The following PHACTR3 variants were observed in gnomAD, a reference collection of about 807,000 sequenced individuals.
PHACTR3 encodes the protein phosphatase and actin regulator 3.
Under a neutral mutation model 66.8 loss-of-function variants are expected in PHACTR3, and 16 were observed. That is an observed-to-expected ratio of 0.24 (90% confidence interval 0.16 to 0.36). The LOEUF (loss-of-function observed/expected upper bound fraction) is 0.36. Ranked by LOEUF, PHACTR3 falls within the 10% of genes least tolerant of loss-of-function variation. The pLI is 1.00. For missense variants in PHACTR3, 647 were observed against 719.9 expected, an observed-to-expected ratio of 0.90 and a Z score of 1.16; for synonymous variants, 323 against 292.1, an observed-to-expected ratio of 1.11 and a Z score of -1.08.
intron 1 of PHACTR3, among the ~76,000 whole-genome samples, chr20:59,665,629 G>T (rs1204599582): frequency 6.6e-6 from 1 of 152,102 alleles, no homozygotes; most frequent in African/African-American, 2.4e-5. Context: ...CTTGGGTGCT[G>T]GTTGGAAATA....
intron 1 of PHACTR3, among the ~76,000 whole-genome samples, chr20:59,687,999 T>C (rs1447262330): frequency 1.3e-5 from 2 of 152,192 alleles, no homozygotes; most frequent in African/African-American, 4.8e-5. Flanking sequence ...GATTTCTCTT[T>C]TCTAACAAGC....
intron 8 of PHACTR3, among the ~76,000 whole-genome samples, chr20:59,827,045 C>G (rs991918611): frequency 6.6e-6 from 1 of 152,120 alleles, no homozygotes; most frequent in Non-Finnish European, 1.5e-5. Context: ...CAGGTGATTC[C>G]TCAGTACCTC....
chr20:59,591,858 A>G (rs2033190813), intron 1 of PHACTR3, among the ~76,000 whole-genome samples: 1 of 152,048 alleles, frequency 6.6e-6, no homozygotes, highest in Non-Finnish European at 1.5e-5. Context: ...TATGGTAAAA[A>G]TATAAAGAAT....
intron 1 of PHACTR3, among the ~76,000 whole-genome samples, chr20:59,686,635 A>G (rs1601101547): frequency 1.4e-5 from 2 of 147,612 alleles, no homozygotes; most frequent in Non-Finnish European, 1.5e-5. Context: ...GATGATTGTG[A>G]TGATGGTGGT....
chr20:59,763,389 A>C (rs2040067271), intron 4 of PHACTR3, among the ~76,000 whole-genome samples: 1 of 152,236 alleles, frequency 6.6e-6, no homozygotes, highest in African/African-American at 2.4e-5. Context: ...AGACTAATAC[A>C]GTAGGGATCT....
At chr20:59,600,794 C>T (rs934395272), upstream of PHACTR3, among the ~76,000 whole-genome samples, 1 of 152,082 alleles carries the variant, frequency 6.6e-6, no homozygotes, top group Admixed American at 6.5e-5. Flanking sequence ...TCAAGGAGAT[C>T]AAGGGGCAGA....
intron 1 of PHACTR3, among the ~76,000 whole-genome samples, chr20:59,607,572 C>A (rs1342119930): frequency 6.6e-6 from 1 of 152,252 alleles, no homozygotes; most frequent in African/African-American, 2.4e-5. Context: ...AGACTCAAAG[C>A]ATTCTTCAAA....
intron 1 of PHACTR3, among the ~76,000 whole-genome samples, chr20:59,668,277 C>A (rs570409966): frequency 6.6e-6 from 1 of 151,462 alleles, no homozygotes; most frequent in African/African-American, 2.4e-5. Flanking sequence ...GAGGTGGGCA[C>A]GTACACCTGT....
upstream of PHACTR3, chr20:59,604,003 G>A (rs2033565159): frequency 6.6e-6 from 1 of 152,394 alleles, no homozygotes; most frequent in Admixed American, 6.5e-5. Context: ...GGTTCCTAAG[G>A]GCGTCTGAGG....
intron 7 of PHACTR3, 144 bp from the exon 8 acceptor site, chr20:59,805,897 T>C: frequency 4.7e-6 from 4 of 847,128 alleles, no homozygotes; most frequent in South Asian, 1.7e-5. Context: ...CTGGCGAGCG[T>C]GTGTCCTCTC....
upstream of PHACTR3, among the ~76,000 whole-genome samples, chr20:59,602,624 C>T (rs1489130703): frequency 6.6e-6 from 1 of 152,108 alleles, no homozygotes; most frequent in Non-Finnish European, 1.5e-5. Flanking sequence ...CTCCTCCCCC[C>T]CACCTATAGC....
chr20:59,694,978 AG>A (rs1435775410), intron 1 of PHACTR3, among the ~76,000 whole-genome samples: 3 of 152,146 alleles, frequency 2.0e-5, no homozygotes, highest in African/African-American at 7.2e-5. Context: ...CTTCAGAACA[AG>A]TGGACTGTGA....
At chr20:59,577,594 C>T (rs1459979525) in exon 1 of PHACTR3, 13 of 1,208,970 alleles carry the variant, frequency 1.1e-5, no homozygotes, top group Non-Finnish European at 1.2e-5. Flanking sequence ...GACGCTGCCG[C>T]CGCCGCCCGA....
intron 7 of PHACTR3, among the ~76,000 whole-genome samples, chr20:59,797,692 T>C (rs926927902): frequency 2.0e-5 from 3 of 152,204 alleles, no homozygotes; most frequent in Admixed American, 1.3e-4. Context: ...AGTTTCCTCA[T>C]TGGCTGCCAA....
At chr20:59,670,607 G>GGGGC (rs1555810015) in intron 1 of PHACTR3, among the ~76,000 whole-genome samples, 8 of 118,096 alleles carry the variant, frequency 6.8e-5, no homozygotes, top group Admixed American at 4.8e-4. Context: ...GCCGGGGGTG[G>GGGGC]GGGGGGGGGG....
chr20:59,672,681 G>T (rs1468928594), intron 1 of PHACTR3, among the ~76,000 whole-genome samples: 3 of 152,236 alleles, frequency 2.0e-5, no homozygotes, highest in African/African-American at 7.2e-5. Flanking sequence ...ACTCAGCGGT[G>T]TGGTTCTGGG....
At chr20:59,657,381 C>T (rs1193138110) in intron 1 of PHACTR3, among the ~76,000 whole-genome samples, 1 of 151,778 alleles carries the variant, frequency 6.6e-6, no homozygotes. Flanking sequence ...ACATCATTAC[C>T]TTTACTGGAG....
intron 7 of PHACTR3, among the ~76,000 whole-genome samples, chr20:59,797,409 T>C (rs1312125787): frequency 2.0e-5 from 3 of 152,212 alleles, no homozygotes; most frequent in Non-Finnish European, 4.4e-5. Context: ...GCTTTCTTGT[T>C]TCTTGTGTCC....
At chr20:59,779,422 A>T (rs976600435) in intron 7 of PHACTR3, among the ~76,000 whole-genome samples, 1 of 152,228 alleles carries the variant, frequency 6.6e-6, no homozygotes, top group Non-Finnish European at 1.5e-5. Flanking sequence ...TGGTGCAGAC[A>T]ATGGTGAATA....
Sources: allele counts gnomAD v4.1 joint callset (sites outside exome capture counted in the v4.1 genomes callset), GRCh38; gene constraint gnomAD v4.1.1; transcripts MANE v1.5; gene names NCBI Gene and HGNC (gene_info 2026-07-23, HGNC 2026-07-21).